PTPN4: variants seen among roughly 807,000 people sequenced by gnomAD.
PTPN4 encodes tyrosine-protein phosphatase non-receptor type 4.
PTPN4 carries 49 observed loss-of-function variants against 135.5 expected under a neutral mutation model. That is an observed-to-expected ratio of 0.36 (90% CI 0.29 to 0.46). The LOEUF (loss-of-function observed/expected upper bound fraction) is 0.46, where lower values mean the gene tolerates loss of function less well. PTPN4 is among the 20% of genes least tolerant of loss of function. The pLI is 1.00. For synonymous variants in PTPN4, 333 were observed against 369.9 expected, an observed-to-expected ratio of 0.90 and a Z score of 1.14; for missense variants, 860 against 1,101.0, an observed-to-expected ratio of 0.78 and a Z score of 3.10.
At chr2:119,803,967 T>C (rs1039082718) in intron 1 of PTPN4, among the ~76,000 whole-genome samples, 1 of 152,084 alleles carries the variant, frequency 6.6e-6, no homozygotes, top group South Asian at 2.1e-4. Flanking sequence ...GTACTCTTCT[T>C]CCTATTGATT....
At chr2:119,941,659 T>C (rs1208719611) in intron 15 of PTPN4, among the ~76,000 whole-genome samples, 1 of 152,180 alleles carries the variant, frequency 6.6e-6, no homozygotes, top group Non-Finnish European at 1.5e-5. Flanking sequence ...AGAAGGCAGG[T>C]AGCTCTGTCC....
At chr2:119,957,502 C>G (rs958450348) in intron 22 of PTPN4, among the ~76,000 whole-genome samples, 3 of 151,914 alleles carry the variant, frequency 2.0e-5, no homozygotes, top group African/African-American at 7.3e-5. Context: ...ACCATCCCCA[C>G]CTCCCACCCT....
chr2:119,974,547 T>G (rs1195733114), intron 26 of PTPN4, among the ~76,000 whole-genome samples: 1 of 152,158 alleles, frequency 6.6e-6, no homozygotes, highest in Non-Finnish European at 1.5e-5. Context: ...ATTGTCCTAT[T>G]TTTGGCCAGT....
Position 119,982,791 on chromosome 2 carries a change from G to A in PTPN4, c.*5721G>A, listed in dbSNP as rs1679714221. On this transcript the variant is annotated 3_prime_UTR_variant, in exon 27 of 27. Coordinates refer to ENST00000263708, the MANE Select transcript of PTPN4 (RefSeq NM_002830.4). Reference sequence around the variant, plus strand: ...ATTCATTACAGTGAGTATGTGCAGAGGCCCCTGACCCAGTAAATGCTTTTT... The same window carrying A: ...ATTCATTACAGTGAGTATGTGCAGAAGCCCCTGACCCAGTAAATGCTTTTT... The A allele has an allele frequency of 6.6e-6, 1 of 152,142 alleles. No individual in the cohort carries two copies. The highest frequency in any genetic ancestry group is 1.9e-4 in the East Asian group (1 of 5,190). 9.4% of individuals were successfully genotyped at this position (152,142 alleles called of 1,614,324 possible).
chr2:119,927,714 G>C (rs1678846434), intron 13 of PTPN4, among the ~76,000 whole-genome samples: 2 of 152,162 alleles, frequency 1.3e-5, no homozygotes, highest in African/African-American at 4.8e-5. Flanking sequence ...TACTTTGAGA[G>C]GCTAAGTCTT....
At chr2:119,906,797 G>T (rs1678496191) in intron 10 of PTPN4, among the ~76,000 whole-genome samples, 1 of 152,146 alleles carries the variant, frequency 6.6e-6, no homozygotes, top group Non-Finnish European at 1.5e-5. Flanking sequence ...TTCAACATAG[G>T]ACTGGAAGTC....
At chr2:119,896,911 C>A (rs1328105592) in intron 9 of PTPN4, among the ~76,000 whole-genome samples, 1 of 151,934 alleles carries the variant, frequency 6.6e-6, no homozygotes, top group Non-Finnish European at 1.5e-5. Context: ...GGGGAGTGTT[C>A]TTCTTTTGGC....
intron 3 of PTPN4, among the ~76,000 whole-genome samples, chr2:119,865,745 T>C (rs951742040): frequency 6.6e-6 from 1 of 152,124 alleles, no homozygotes; most frequent in African/African-American, 2.4e-5. Flanking sequence ...CATATACATA[T>C]GCACATGTAT....
intron 1 of PTPN4, among the ~76,000 whole-genome samples, chr2:119,782,907 T>C (rs1249017471): frequency 6.6e-6 from 1 of 150,974 alleles, no homozygotes; most frequent in Non-Finnish European, 1.5e-5. Flanking sequence ...AGGATCTCCC[T>C]ATGTTCCCCA....
At position 119,926,651 on chromosome 2, in the gene PTPN4, A is replaced by G; in HGVS notation, c.1055A>G (p.Asp352Gly). Residue 352 changes from aspartate (D) to glycine (G), a missense_variant, in exon 13 of 27, where the codon GAC becomes GGC. Asp to Gly is a moderately conservative substitution (Grantham distance 94, BLOSUM62 -1). Around this residue, in one of 2 missense-constraint regions of PTPN4, gnomAD observed 684 missense variants for 807.0 expected, o/e 0.85. Transcript: ENST00000263708. ...TATGGCAAAGAAAAGGCAAATAAAG[A>G]CAGGGTATTTGCAAGGTAAGCCAAA... Reference protein sequence around the residue: ...VQYGKEKANKDRVFARSPSKP... With the variant: ...VQYGKEKANKGRVFARSPSKP... The G allele has an allele frequency of 1.2e-6, 2 of 1,604,132 alleles. No homozygotes were observed. The highest frequency in any genetic ancestry group is 2.2e-5 in the East Asian group (1 of 44,672).
intron 1 of PTPN4, among the ~76,000 whole-genome samples, chr2:119,769,350 C>T (rs574717642): frequency 1.4e-4 from 22 of 152,142 alleles, no homozygotes; most frequent in Non-Finnish European, 2.6e-4. Flanking sequence ...TGTGTTCAGG[C>T]GAGCTGCCTG....
At chr2:119,779,368 A>T (rs1035888283) in intron 1 of PTPN4, among the ~76,000 whole-genome samples, 1 of 152,232 alleles carries the variant, frequency 6.6e-6, no homozygotes, top group African/African-American at 2.4e-5. Flanking sequence ...CTGTAATCCC[A>T]GCACTTTGGG....
intron 19 of PTPN4, among the ~76,000 whole-genome samples, chr2:119,953,860 A>G (rs1194302807): frequency 6.6e-6 from 1 of 152,148 alleles, no homozygotes; most frequent in East Asian, 1.9e-4. Context: ...AAAAATCCAT[A>G]TGATGGCAAA....
Position 119,968,031 on chromosome 2 carries a change from A to C in PTPN4, c.2694+59A>C. On this transcript the variant is annotated intron_variant, in intron 26 of 26. Transcript: ENST00000263708. ...CTTAACATGATGATTTTTGTTGCCA[A>C]TGCATATTCTAAATCATATTTTTAT... 2.4e-6 allele frequency: 3 copies of C among 1,235,262 alleles called. No individual in the cohort carries two copies. In the East Asian group the frequency reaches 8.1e-5, roughly 33 times the overall value. 76.5% of individuals were successfully genotyped at this position (1,235,262 alleles called of 1,614,324 possible). A position where few individuals can be genotyped will look rare whatever the true frequency, so the allele number is the denominator to read the frequency against.
At chr2:119,807,221 T>A (rs943692948) in intron 1 of PTPN4, among the ~76,000 whole-genome samples, 53 of 152,008 alleles carry the variant, frequency 3.5e-4, no homozygotes, top group Non-Finnish European at 7.1e-4. Flanking sequence ...AAGAAATAAC[T>A]AAGATCAGAG....
intron 5 of PTPN4, among the ~76,000 whole-genome samples, chr2:119,881,438 T>C (rs1678076419): frequency 6.6e-6 from 1 of 152,192 alleles, no homozygotes; most frequent in Non-Finnish European, 1.5e-5. Context: ...CTTCCATGTT[T>C]GTGATACTCA....
At chr2:119,950,040 A>G (rs1199602484) in intron 18 of PTPN4, among the ~76,000 whole-genome samples, 1 of 152,226 alleles carries the variant, frequency 6.6e-6, no homozygotes, top group Admixed American at 6.5e-5. Flanking sequence ...CATATTAACT[A>G]TAAGAGAGTT....
At chr2:119,810,985 T>A (rs987260278) in intron 2 of PTPN4, among the ~76,000 whole-genome samples, 2 of 152,152 alleles carry the variant, frequency 1.3e-5, no homozygotes, top group African/African-American at 2.4e-5. Flanking sequence ...TATTTCCAAA[T>A]TTTTCAGGAT....
intron 20 of PTPN4, among the ~76,000 whole-genome samples, chr2:119,955,612 G>A (rs1180336237): frequency 6.6e-6 from 1 of 151,984 alleles, no homozygotes; most frequent in African/African-American, 2.4e-5. Context: ...TTTGAAAGGT[G>A]GCAGATGAAG....
Sources: gnomAD v4.1 joint callset for allele counts (sites outside exome capture counted in the v4.1 genomes callset) on GRCh38, gnomAD v4.1.1 for gene constraint, gnomAD v4.1.1 regional missense constraint, MANE v1.5 for transcripts, NCBI Gene and HGNC (gene_info 2026-07-23, HGNC 2026-07-21) for gene names.